Variants in FARP2 observed in about 807,000 individuals in gnomAD.
FARP2 encodes the protein FERM, ARHGEF and pleckstrin domain-containing protein 2.
FARP2 carries 111 observed loss-of-function variants against 130.5 expected under a neutral mutation model. The observed-to-expected ratio is 0.85, with a 90% CI of 0.73 to 1.00. The LOEUF is 1.00. FARP2 is among the 50% of genes least tolerant of loss of function. The probability of loss-of-function intolerance (pLI) is 0.00; values close to 1 mark genes in which losing one functional copy is unlikely to be tolerated. For missense variants in FARP2, 1,385 were observed against 1,346.3 expected, an observed-to-expected ratio of 1.03 and a Z score of -0.45; for synonymous variants, 504 against 516.9, an observed-to-expected ratio of 0.98 and a Z score of 0.34.
At chr2:241,397,985 A>G (rs906667362) in intron 2 of FARP2, among the ~76,000 whole-genome samples, 2 of 151,390 alleles carry the variant, frequency 1.3e-5, no homozygotes, top group Admixed American at 1.3e-4. Context: ...GCCTGCCACC[A>G]TGCCCGGCTA....
rs1244726791 is a variant in FARP2 at position 241,441,415 on chromosome 2, G to A, written c.1270G>A (p.Asp424Asn). 6.2e-7 allele frequency: 1 copy of A among 1,614,074 alleles called. No individual in the cohort carries two copies. The highest frequency in any genetic ancestry group is 1.3e-5 in the African/African-American group (1 of 74,922). ...LVPSGLPEFK[D>N]SSSSLTDPQV... is the part of the protein sequence containing the mutation. ...CCCCTCTGGCCTGCCAGAGTTTAAG[G>A]ACAGCAGCAGCTCCCTCACAGATCC... is the stretch of plus-strand genomic sequence containing the variant. The change falls in exon 13 of 27, where the codon GAC becomes AAC. Residue 424 changes from aspartate (D) to asparagine (N), a missense_variant. Coordinates refer to ENST00000264042, the MANE Select transcript of FARP2 (RefSeq NM_014808.4).
At chr2:241,442,407 C>G in intron 13 of FARP2, 2 of 456,674 alleles carry the variant, frequency 4.4e-6, no homozygotes, top group South Asian at 1.5e-5. Context: ...CCGAGGCCCC[C>G]CTAGACATAA....
In FARP2 at chr2:241,475,721, C is replaced by T. The variant is rs1229307032; in HGVS notation, c.2132-136C>T. The T allele has an allele frequency of 2.2e-5, 15 of 686,000 alleles. No individual in the cohort carries two copies. The East Asian group carries it at 5.1e-4, about 23-fold the overall frequency. 42.5% of individuals were successfully genotyped at this position (686,000 alleles called of 1,614,324 possible). On this transcript the variant is annotated intron_variant, in intron 18 of 26. Transcript: ENST00000264042. The surrounding 1 kb of genome is among the most constrained non-coding windows in gnomAD (Gnocchi z 4.4). ...GTACCAAAAATGTTGGGGACCGCTG[C>T]TATAAGGAGTCGAGTAGGATGTACC...
At chr2:241,454,159 T>A (rs2055568) in intron 13 of FARP2, among the ~76,000 whole-genome samples, 103,932 of 151,840 alleles carry the variant, frequency 0.68, 35,867 homozygotes, top group Admixed American at 0.79. Context: ...AGCAGCGTCA[T>A]AGCAGCACAC....
chr2:241,424,983 A>G (rs1413874393), intron 8 of FARP2, among the ~76,000 whole-genome samples: 2 of 152,152 alleles, frequency 1.3e-5, no homozygotes, highest in Admixed American at 1.3e-4. Context: ...CAATGGGGGC[A>G]GATCACTTGA....
At chr2:241,493,206 G>A (rs527310367) in intron 25 of FARP2, 87 bp from the exon 26 acceptor site, 79 of 1,449,846 alleles carry the variant, frequency 5.4e-5, no homozygotes, top group South Asian at 3.6e-4. Context: ...GCATTTGTAC[G>A]TGCCACCGTT....
At chr2:241,455,854 C>T (rs1266758253) in intron 13 of FARP2, among the ~76,000 whole-genome samples, 5 of 150,350 alleles carry the variant, frequency 3.3e-5, no homozygotes, top group African/African-American at 1.2e-4. Flanking sequence ...ATTCTCCTGC[C>T]TCAGCCTCCC....
chr2:241,483,992 C>T lies in FARP2; in HGVS notation c.2332-250C>T. Reference sequence around the variant, plus strand: ...ACTGAGTCAGCACCAGCCAGAATTCCTTACTGCCTCCAGCTTCTCAGCCAA... The same window carrying T: ...ACTGAGTCAGCACCAGCCAGAATTCTTTACTGCCTCCAGCTTCTCAGCCAA... On this transcript the variant is annotated intron_variant, in intron 20 of 26. Coordinates refer to ENST00000264042, the MANE Select transcript of FARP2 (RefSeq NM_014808.4). 6.8e-6 allele frequency: 9 copies of T among 1,325,974 alleles called. No homozygotes were observed. The African/African-American group carries it at 7.4e-5, about 11-fold the overall frequency. 82.1% of individuals were successfully genotyped at this position (1,325,974 alleles called of 1,614,324 possible). A position where few individuals can be genotyped will look rare whatever the true frequency, so the allele number is the denominator to read the frequency against.
intron 3 of FARP2, among the ~76,000 whole-genome samples, chr2:241,404,213 T>C (rs2150350075): frequency 6.6e-6 from 1 of 152,222 alleles, no homozygotes; most frequent in East Asian, 1.9e-4. Flanking sequence ...AAAGTGGACT[T>C]GTAGCAAACT....
rs1427103766 is a variant in FARP2, at chr2:241,491,536, C to G, written c.2644C>G (p.Leu882Val). 3.7e-6 allele frequency: 6 copies of G among 1,613,472 alleles called. No individual in the cohort carries two copies. Among genetic ancestry groups the G allele is most frequent in the African/African-American group, 1.3e-5 (1 of 74,918 alleles). Residue 882 changes from leucine (L) to valine (V), a missense_variant, in exon 24 of 27, where the codon CTG becomes GTG. Leu to Val is a conservative substitution (Grantham distance 32). Transcript: ENST00000264042. ...CCCAGGATCCCCCAACGAGGTATCT[C>G]TGGAGCAGGAGTCAGAAGATGATGC... ...RPPRSPNEVS[L>V]EQESEDDARG...
In FARP2 at chr2:241,468,316, G is replaced by C. The variant is rs756624260; in HGVS notation, c.2070G>C (p.Leu690=). Residue 690 remains leucine (L), a synonymous_variant, in exon 18 of 27, where the codon CTG becomes CTC. Coordinates refer to ENST00000264042, the MANE Select transcript of FARP2 (RefSeq NM_014808.4). ...KPIQRLLHYR[L]LLRRLCGHYS... ...TCCAGCGGCTGCTGCACTACCGCCT[G>C]CTGCTGCGCCGCCTATGCGGACATT... 6.2e-7 allele frequency: 1 copy of C among 1,613,482 alleles called. No individual in the cohort carries two copies. The highest frequency in any genetic ancestry group is 8.5e-7 in the Non-Finnish European group (1 of 1,180,022).
intron 21 of FARP2, chr2:241,488,466 GAGTGCCCAGGCAC>G (rs2064814076): frequency 6.7e-6 from 1 of 149,040 alleles, no homozygotes; most frequent in African/African-American, 2.5e-5. Context: ...TCCCAGGCTG[GAGTGCCCAGGCAC>G]GATCTCGGCT....
At chr2:241,460,476 C>A (rs975683491) in intron 14 of FARP2, among the ~76,000 whole-genome samples, 2 of 151,362 alleles carry the variant, frequency 1.3e-5, no homozygotes, top group Non-Finnish European at 2.9e-5. Flanking sequence ...CAGGGTCTCA[C>A]TATGTTGCCC....
At chr2:241,490,243 C>T (rs1466425573) in intron 22 of FARP2, among the ~76,000 whole-genome samples, 199 bp downstream of exon 22, 2 of 152,206 alleles carry the variant, frequency 1.3e-5, no homozygotes, top group Non-Finnish European at 2.9e-5. Flanking sequence ...GGGCTGCTTG[C>T]CAACCTGACA....
chr2:241,492,751 T>C, intron 24 of FARP2, 178 bp from the exon 25 acceptor site: 1 of 562,192 alleles, frequency 1.8e-6, no homozygotes, highest in Non-Finnish European at 3.2e-6. Context: ...CTCTAGGTTT[T>C]TAACATGCTT....
intron 21 of FARP2, among the ~76,000 whole-genome samples, chr2:241,487,282 C>T (rs1244035651): frequency 6.6e-6 from 1 of 152,222 alleles, no homozygotes; most frequent in African/African-American, 2.4e-5. Flanking sequence ...CCAGCAAATG[C>T]TTGTTGAAGG....
At position 241,494,342 on chromosome 2, in the gene FARP2, A is replaced by G. The variant is rs1460297058; in HGVS notation, c.*217A>G. The stretch of plus-strand genomic sequence containing the variant: ...GCCAGCAGCTATCTGGGGCCCTGGG[A>G]AAAATGTGCGAGTCTTGAGCGCGGA... On this transcript the variant is annotated 3_prime_UTR_variant, in exon 27 of 27. Coordinates refer to ENST00000264042, the MANE Select transcript of FARP2 (RefSeq NM_014808.4). This position sits in a 1 kb window ranked among gnomAD's most constrained non-coding sequence, Gnocchi z 4.9. 8 of 375,780 alleles carry G rather than the reference A, an allele frequency of 2.1e-5. No individual in the cohort carries two copies. Among genetic ancestry groups the G allele is most frequent in the Non-Finnish European group, 3.9e-5 (8 of 205,902 alleles). The allele number at this position is 375,780 out of a possible 1,614,324, so 23.3% of individuals were successfully genotyped here.
intron 2 of FARP2, among the ~76,000 whole-genome samples, chr2:241,403,185 C>G (rs1209276454): frequency 3.3e-5 from 5 of 151,530 alleles, no homozygotes; most frequent in Non-Finnish European, 7.4e-5. Context: ...TAAATAAAGA[C>G]TCTTAAGACT....
intron 4 of FARP2, among the ~76,000 whole-genome samples, chr2:241,407,296 A>G (rs1414486901): frequency 6.6e-6 from 1 of 152,084 alleles, no homozygotes; most frequent in Non-Finnish European, 1.5e-5. Flanking sequence ...GTGCAGTTGT[A>G]GCACACTGCA....
Sources: allele counts gnomAD v4.1 joint callset (sites outside exome capture counted in the v4.1 genomes callset), GRCh38; gene constraint gnomAD v4.1.1; non-coding constraint Gnocchi (gnomAD v3.1); transcripts MANE v1.5; gene names NCBI Gene and HGNC (gene_info 2026-07-23, HGNC 2026-07-21).